MYOM1: variants seen among roughly 807,000 people sequenced by gnomAD.
MYOM1 encodes myomesin 1.
MYOM1 carries 164 observed loss-of-function variants against 205.3 expected under a neutral mutation model. That is an observed-to-expected ratio of 0.80 (90% confidence interval 0.70 to 0.91). The LOEUF (loss-of-function observed/expected upper bound fraction) is 0.91, where lower values mean the gene tolerates loss of function less well. Ranked by LOEUF, MYOM1 falls within the 40% of genes least tolerant of loss-of-function variation. The pLI, the probability that MYOM1 is intolerant of heterozygous loss-of-function variation, is 0.00. For synonymous variants in MYOM1, 772 were observed against 789.4 expected, an observed-to-expected ratio of 0.98 and a Z score of 0.37; for missense variants, 2,011 against 2,127.3, an observed-to-expected ratio of 0.95 and a Z score of 1.08.
chr18:3,215,796 C>G (rs780666260), intron 1 of MYOM1, among the ~76,000 whole-genome samples: 1 of 151,948 alleles, frequency 6.6e-6, no homozygotes, highest in Non-Finnish European at 1.5e-5. Context: ...TTTTTCTACC[C>G]TGGCTATTGT....
At chr18:3,172,667 G>A (rs1437023492) in intron 8 of MYOM1, among the ~76,000 whole-genome samples, 1 of 152,032 alleles carries the variant, frequency 6.6e-6, no homozygotes, top group African/African-American at 2.4e-5. Flanking sequence ...CCACCACCAT[G>A]CCTGGCTAAT....
At chr18:3,090,826 A>G in intron 26 of MYOM1, 24 bp from the exon 27 acceptor site, 1 of 1,613,284 alleles carries the variant, frequency 6.2e-7, no homozygotes, top group Non-Finnish European at 8.5e-7. Flanking sequence ...AGAAAATGAC[A>G]GAGAAATCAC....
intron 34 of MYOM1, among the ~76,000 whole-genome samples, chr18:3,077,785 G>A (rs555061350): frequency 1.3e-5 from 2 of 152,318 alleles, no homozygotes; most frequent in East Asian, 3.9e-4. Context: ...GTCAGATGGA[G>A]TGTGGAATGA....
At chr18:3,215,430 A>C (rs999003550) in intron 1 of MYOM1, among the ~76,000 whole-genome samples, 179 bp from the exon 2 acceptor site, 9 of 151,906 alleles carry the variant, frequency 5.9e-5, no homozygotes, top group African/African-American at 2.2e-4. Context: ...ACACAGTGAG[A>C]CCCTATCTCT....
At chr18:3,197,926 A>G (rs187284340) in intron 2 of MYOM1, among the ~76,000 whole-genome samples, 393 of 152,256 alleles carry the variant, frequency 2.6e-3, no homozygotes, top group Non-Finnish European at 3.4e-3. Flanking sequence ...CTATACTCCA[A>G]TGGCTTGCCT....
intron 37 of MYOM1, among the ~76,000 whole-genome samples, chr18:3,070,816 C>A (rs1000769811): frequency 6.6e-6 from 1 of 151,576 alleles, no homozygotes; most frequent in African/African-American, 2.4e-5. Flanking sequence ...GTCGCCCGGG[C>A]TGGAGTGATC....
chr18:3,244,268 T>C, the MYOM1 span, among the ~76,000 whole-genome samples: 2 of 152,170 alleles, frequency 1.3e-5, no homozygotes, highest in Admixed American at 6.5e-5. Context: ...ACTGCAATAG[T>C]GGATCATAAG....
rs573543222 is a variant in MYOM1, at chr18:3,133,410, A to C, written c.2384+1240T>G. Among the ~76,000 whole-genome samples the C allele has an allele frequency of 5.3e-5, 8 of 152,254 alleles. No homozygotes were observed. The South Asian group carries it at 1.7e-3, about 32-fold the overall frequency. On this transcript the variant is annotated intron_variant, in intron 16 of 37. Coordinates refer to ENST00000356443, the MANE Select transcript of MYOM1 (RefSeq NM_003803.4). ...TGGGTGCAGATCAGAATTCACCATC[A>C]ATGTGCAAAGCTGATTGATAAAATA...
chr18:3,107,125 C>CT (rs925817692), intron 22 of MYOM1, among the ~76,000 whole-genome samples: 22 of 149,846 alleles, frequency 1.5e-4, no homozygotes, highest in Admixed American at 4.0e-4. Flanking sequence ...TTAAAAATTT[C>CT]TTTTTTTTTT....
chr18:3,069,723 T>C (rs7242850), intron 37 of MYOM1, among the ~76,000 whole-genome samples: 39,079 of 151,730 alleles, frequency 0.26, 6,233 homozygotes, highest in African/African-American at 0.45. Flanking sequence ...AAAAAAAATG[T>C]GAAAAAGAAA....
chr18:3,074,798 T>A (rs2079002034), intron 36 of MYOM1, among the ~76,000 whole-genome samples: 1 of 152,182 alleles, frequency 6.6e-6, no homozygotes, highest in Non-Finnish European at 1.5e-5. Flanking sequence ...TTTTCTATTT[T>A]CTTTTGTTGT....
the MYOM1 span, chr18:3,246,415 C>T: frequency 6.6e-6 from 1 of 152,158 alleles, no homozygotes; most frequent in African/African-American, 2.4e-5. Context: ...TTGGAAATGA[C>T]GCAATTATTT....
intron 22 of MYOM1, among the ~76,000 whole-genome samples, chr18:3,109,493 A>G (rs2079496070): frequency 1.3e-5 from 2 of 152,356 alleles, no homozygotes; most frequent in Admixed American, 1.3e-4. Context: ...TCTTATCCAG[A>G]TGAGAGGCCA....
intron 36 of MYOM1, among the ~76,000 whole-genome samples, chr18:3,073,338 C>T (rs1296074833): frequency 6.6e-6 from 1 of 152,204 alleles, no homozygotes; most frequent in Non-Finnish European, 1.5e-5. Context: ...GTCATTCATT[C>T]AAAGGTGTTC....
intron 2 of MYOM1, among the ~76,000 whole-genome samples, chr18:3,214,527 G>A (rs1302042887): frequency 6.6e-6 from 1 of 152,196 alleles, no homozygotes; most frequent in Non-Finnish European, 1.5e-5. Context: ...CCGTATTTAA[G>A]AAGTAACTGG....
chr18:3,246,198 GCAGGCCAC>G, the MYOM1 span: 1 of 152,232 alleles, frequency 6.6e-6, no homozygotes, highest in East Asian at 1.9e-4. Context: ...TCTCGTGGTG[GCAGGCCAC>G]CACCCTGTGG....
chr18:3,130,323 G>A (rs959418959), intron 17 of MYOM1, among the ~76,000 whole-genome samples: 5 of 152,096 alleles, frequency 3.3e-5, no homozygotes, highest in African/African-American at 1.2e-4. Flanking sequence ...GATTACAGGC[G>A]TGAGCCACTG....
chr18:3,094,414 A>T (rs2079272166), intron 25 of MYOM1, 108 bp from the exon 26 acceptor site: 1 of 1,143,828 alleles, frequency 8.7e-7, no homozygotes, highest in African/African-American at 1.6e-5. Flanking sequence ...GGAAATGACA[A>T]TGTAGCACCT....
At chr18:3,215,289 G>T in intron 1 of MYOM1, 38 bp from the exon 2 acceptor site, 1 of 1,448,378 alleles carries the variant, frequency 6.9e-7, no homozygotes. Flanking sequence ...ACTTATTAAG[G>T]AACAAATTCC....
Sources: gnomAD v4.1 joint callset for allele counts (sites outside exome capture counted in the v4.1 genomes callset) on GRCh38, gnomAD v4.1.1 for gene constraint, MANE v1.5 for transcripts, NCBI Gene and HGNC (gene_info 2026-07-23, HGNC 2026-07-21) for gene names.